The following FBXO15 variants were observed in gnomAD, a reference collection of about 807,000 sequenced individuals.
FBXO15 encodes F-box protein 15.
Under a neutral mutation model 49.5 loss-of-function variants are expected in FBXO15, and 30 were observed. The ratio of observed to expected loss-of-function variants is 0.61; its 90% CI spans 0.45 to 0.82. The LOEUF (loss-of-function observed/expected upper bound fraction) is 0.82. Among genes scored for constraint, FBXO15 ranks in the 40% least tolerant of loss-of-function variants. FBXO15 has a pLI of 0.00. For missense variants in FBXO15, 591 were observed against 631.5 expected (o/e 0.94, Z 0.69); for synonymous variants, 250 against 232.7 (o/e 1.07, Z -0.68).
chr18:74,134,284 C>T (rs1978577373), intron 3 of FBXO15, among the ~76,000 whole-genome samples: 1 of 151,724 alleles, frequency 6.6e-6, no homozygotes, highest in Admixed American at 6.6e-5. Context: ...GAGTTCCTCA[C>T]TTAAGTGGCA....
At chr18:74,140,176 A>T (rs2145224480) in intron 2 of FBXO15, 26 bp downstream of exon 2, 3 of 1,540,274 alleles carry the variant, frequency 1.9e-6, no homozygotes, top group East Asian at 2.4e-5. Context: ...GGCCCCCAAA[A>T]GTGACAGTCT....
intron 8 of FBXO15, chr18:74,098,785 C>T (rs1220984841): frequency 6.6e-6 from 1 of 152,170 alleles, no homozygotes; most frequent in Non-Finnish European, 1.5e-5. Context: ...AGATTCATCA[C>T]AAAAAGATCA....
chr18:74,139,056 A>T (rs1171093189), intron 2 of FBXO15, among the ~76,000 whole-genome samples: 1 of 151,878 alleles, frequency 6.6e-6, no homozygotes, highest in East Asian at 1.9e-4. Flanking sequence ...AGCCCCCACC[A>T]CCACACCTCT....
At chr18:74,116,632 C>T (rs1271917847) in intron 8 of FBXO15, among the ~76,000 whole-genome samples, 1 of 152,162 alleles carries the variant, frequency 6.6e-6, no homozygotes, top group African/African-American at 2.4e-5. Context: ...TCACTTCATC[C>T]CCACCCCAGC....
At chr18:74,091,984 C>G (rs986338751) in intron 8 of FBXO15, among the ~76,000 whole-genome samples, 7 of 152,156 alleles carry the variant, frequency 4.6e-5, no homozygotes, top group Non-Finnish European at 8.8e-5. Context: ...TTTTTCAAGG[C>G]GTTTGCTTTC....
intron 8 of FBXO15, among the ~76,000 whole-genome samples, chr18:74,096,129 GGA>G (rs1251125292): frequency 6.6e-6 from 1 of 152,152 alleles, no homozygotes; most frequent in East Asian, 1.9e-4. Flanking sequence ...TTCCCTGGCA[GGA>G]GACCTGTCCC....
intron 8 of FBXO15, among the ~76,000 whole-genome samples, chr18:74,092,923 CCAGAGAAGGGGGTGGGG>C (rs992733320): frequency 2.0e-5 from 3 of 151,970 alleles, no homozygotes; most frequent in African/African-American, 7.2e-5. Flanking sequence ...GCTGGTGGGC[CCAGAGAAGGGGGTGGGG>C]CAGAGAAGGG....
At chr18:74,109,788 A>G (rs1202465437) in intron 8 of FBXO15, among the ~76,000 whole-genome samples, 1 of 151,520 alleles carries the variant, frequency 6.6e-6, no homozygotes, top group Non-Finnish European at 1.5e-5. Context: ...ACGAGAACAC[A>G]TGGACACAGG....
intron 8 of FBXO15, among the ~76,000 whole-genome samples, chr18:74,091,325 T>C (rs747793594): frequency 2.6e-5 from 4 of 152,134 alleles, no homozygotes; most frequent in Non-Finnish European, 4.4e-5. Flanking sequence ...CAGCAAACCA[T>C]TGGGTCTTGC....
intron 2 of FBXO15, 40 bp from the exon 3 acceptor site, chr18:74,135,906 G>A (rs1432812097): frequency 2.0e-6 from 3 of 1,525,224 alleles, no homozygotes; most frequent in South Asian, 2.4e-5. Flanking sequence ...CACCAGAGTG[G>A]ACCAGGGCTT....
At position 74,144,687 on chromosome 18, in the gene FBXO15, A is replaced by G. The variant is rs571296032; in HGVS notation, c.116+2983T>C. ...TTGTCCTATCATAAAAATGTATTATATTATTTACCAGTTAAATTATTTAAC... is the reference window on the plus strand; with the variant it reads ...TTGTCCTATCATAAAAATGTATTATGTTATTTACCAGTTAAATTATTTAAC... On this transcript the variant is annotated intron_variant, in intron 1 of 9. Transcript: ENST00000419743. 7.9e-5 allele frequency among the ~76,000 whole-genome samples: 12 copies of G among 152,292 alleles called. No individual in the cohort carries two copies. The East Asian group carries it at 2.1e-3, about 27-fold the overall frequency.
At chr18:74,128,526 A>G (rs952695989) in intron 5 of FBXO15, among the ~76,000 whole-genome samples, 1 of 152,232 alleles carries the variant, frequency 6.6e-6, no homozygotes, top group African/African-American at 2.4e-5. Flanking sequence ...CTGAAAAGTC[A>G]AAGAATACTG....
At chr18:74,082,475 T>A (rs1912544301) in intron 8 of FBXO15, among the ~76,000 whole-genome samples, 1 of 152,166 alleles carries the variant, frequency 6.6e-6, no homozygotes, top group African/African-American at 2.4e-5. Flanking sequence ...CAGGCGAACA[T>A]GAAGAGGAGT....
chr18:74,143,711 A>G (rs1979228685), intron 1 of FBXO15, among the ~76,000 whole-genome samples: 1 of 152,248 alleles, frequency 6.6e-6, no homozygotes. Context: ...TAAGTGTTTG[A>G]ATTAGAAACA....
intron 1 of FBXO15, 108 bp downstream of exon 1, chr18:74,147,556 GACGGCC>G: frequency 7.8e-7 from 1 of 1,285,666 alleles, no homozygotes; most frequent in Non-Finnish European, 9.8e-7. Context: ...TCACGTTGAA[GACGGCC>G]ACGGGCCTTG....
intron 1 of FBXO15, among the ~76,000 whole-genome samples, chr18:74,142,109 G>T (rs949907713): frequency 6.6e-6 from 1 of 152,150 alleles, no homozygotes; most frequent in East Asian, 1.9e-4. Flanking sequence ...TTCCATCCCA[G>T]CTTCAGTAAA....
chr18:74,090,876 T>G (rs1184566219), intron 8 of FBXO15, among the ~76,000 whole-genome samples: 2 of 152,170 alleles, frequency 1.3e-5, no homozygotes, highest in Non-Finnish European at 2.9e-5. Context: ...AGAGCGTATA[T>G]TCTGTTGTTT....
chr18:74,126,182 A>C, intron 5 of FBXO15, 81 bp from the exon 6 acceptor site: 1 of 1,560,680 alleles, frequency 6.4e-7, no homozygotes, highest in South Asian at 1.2e-5. Flanking sequence ...TTAGTGTATC[A>C]CAAATGTGTT....
Position 74,130,517 on chromosome 18 carries a change from A to G in FBXO15, c.474T>C (p.Tyr158=), listed in dbSNP as rs78552872. The change falls in exon 4 of 10, where the codon TAT becomes TAC. Residue 158 remains tyrosine, a synonymous_variant. Coordinates refer to ENST00000419743, the MANE Select transcript of FBXO15 (RefSeq NM_001142958.2). ...DKEAGYWKKE[Y]ITKQIASVKA... The stretch of plus-strand genomic sequence containing the variant: ...TTACAGATGCTATTTGTTTTGTGAT[A>G]TATTCTTTCTTCCAATAACCAGCTT... 3.0e-3 allele frequency: 4,783 copies of G among 1,614,140 alleles called. 127 individuals are homozygous for G. In the East Asian group the frequency reaches 0.073, roughly 25 times the overall value.
Sources: allele counts gnomAD v4.1 joint callset (sites outside exome capture counted in the v4.1 genomes callset), GRCh38; gene constraint gnomAD v4.1.1; transcripts MANE v1.5; gene names NCBI Gene and HGNC (gene_info 2026-07-23, HGNC 2026-07-21).